Variants in GALM observed in about 807,000 individuals in gnomAD.
GALM encodes galactose mutarotase.
In GALM, 43 loss-of-function variants were observed where a neutral mutation model predicts 37.4. That is an observed-to-expected ratio of 1.15 (90% CI 0.90 to 1.48). The LOEUF is 1.48. GALM is among the 40% of genes most tolerant of loss of function. The pLI, the probability that GALM is intolerant of heterozygous loss-of-function variation, is 0.00. For synonymous variants in GALM, 199 were observed against 170.6 expected, an observed-to-expected ratio of 1.17 and a Z score of -1.30; for missense variants, 456 against 419.1, an observed-to-expected ratio of 1.09 and a Z score of -0.77.
intron 4 of GALM, among the ~76,000 whole-genome samples, chr2:38,718,319 C>G (rs1361654038): frequency 6.6e-6 from 1 of 151,124 alleles, no homozygotes; most frequent in Non-Finnish European, 1.5e-5. Flanking sequence ...CCTGCCTCAG[C>G]CTCCCAAGTA....
chr2:38,692,907 G>A (rs771447583), intron 4 of GALM, among the ~76,000 whole-genome samples: 1 of 152,188 alleles, frequency 6.6e-6, no homozygotes, highest in Non-Finnish European at 1.5e-5. Flanking sequence ...GACTAGCCCA[G>A]GGAAGTGCTG....
chr2:38,702,609 A>G (rs901259612), intron 4 of GALM, among the ~76,000 whole-genome samples: 1 of 152,086 alleles, frequency 6.6e-6, no homozygotes, highest in Non-Finnish European at 1.5e-5. Context: ...TTGTAATGAC[A>G]TCAGCCATTT....
intron 4 of GALM, among the ~76,000 whole-genome samples, chr2:38,707,482 A>C (rs1666054866): frequency 1.3e-5 from 2 of 152,210 alleles, no homozygotes; most frequent in African/African-American, 4.8e-5. Flanking sequence ...TGGAGTGACC[A>C]ACAGTGTCAA....
intron 4 of GALM, among the ~76,000 whole-genome samples, chr2:38,691,364 T>G (rs1024756024): frequency 6.6e-6 from 1 of 152,198 alleles, no homozygotes; most frequent in East Asian, 1.9e-4. Context: ...AGGCTTAACA[T>G]GCACTCTAAT....
chr2:38,712,110 A>G (rs1558592146), intron 4 of GALM, among the ~76,000 whole-genome samples: 1 of 152,208 alleles, frequency 6.6e-6, no homozygotes, highest in Non-Finnish European at 1.5e-5. Flanking sequence ...CCTGCTATTC[A>G]TAAATTTCTT....
intron 1 of GALM, among the ~76,000 whole-genome samples, chr2:38,675,059 C>T (rs1312893201): frequency 2.0e-5 from 3 of 152,142 alleles, no homozygotes; most frequent in Non-Finnish European, 4.4e-5. Flanking sequence ...CCTCTACTCC[C>T]AGCTACTCAG....
chr2:38,729,899 CT>C (rs536330509), intron 5 of GALM, among the ~76,000 whole-genome samples: 437 of 152,284 alleles, frequency 2.9e-3, no homozygotes, highest in African/African-American at 9.6e-3. Context: ...GCCATTACCC[CT>C]ATTCCCCCTG....
At chr2:38,669,873 A>G (rs1475358847) in intron 1 of GALM, among the ~76,000 whole-genome samples, 1 of 150,310 alleles carries the variant, frequency 6.7e-6, no homozygotes, top group African/African-American at 2.5e-5. Context: ...CTTCATCTCA[A>G]AAGAAGAAAA....
intron 5 of GALM, among the ~76,000 whole-genome samples, chr2:38,729,927 T>TCC (rs1666565540): frequency 6.6e-6 from 1 of 152,114 alleles, no homozygotes; most frequent in Non-Finnish European, 1.5e-5. Context: ...ACCCGCTCTC[T>TCC]CCCTCTCTGC....
intron 2 of GALM, among the ~76,000 whole-genome samples, chr2:38,680,662 C>T (rs1016832186): frequency 6.6e-6 from 1 of 151,350 alleles, no homozygotes; most frequent in Non-Finnish European, 1.5e-5. Context: ...TTTTTTAATA[C>T]TCTCAGCAGA....
chr2:38,719,659 C>G (rs896889487), intron 4 of GALM, among the ~76,000 whole-genome samples: 2 of 150,766 alleles, frequency 1.3e-5, no homozygotes, highest in Non-Finnish European at 2.9e-5. Flanking sequence ...CCTATAATCT[C>G]AGCTACTTGG....
chr2:38,723,258 A>C (rs1255940605), intron 4 of GALM, among the ~76,000 whole-genome samples: 1 of 152,148 alleles, frequency 6.6e-6, no homozygotes, highest in Non-Finnish European at 1.5e-5. Context: ...GCCGGGGGAA[A>C]AGAGCAGTTA....
At position 38,689,884 on chromosome 2, in the gene GALM, G is replaced by A. The variant is rs781212828; in HGVS notation, c.624G>A (p.Leu208=). ...ADTYLPVDET[L]IPTGEVAPVQ... ...CTTATTTGCCTGTGGATGAAACCCT[G>A]ATTCCTACAGGTTGGTGAATTTAAC... is the stretch of plus-strand genomic sequence containing the variant. The change falls in exon 4 of 7, where the codon CTG becomes CTA. Residue 208 remains leucine, a synonymous_variant. Transcript: ENST00000272252. The A allele has an allele frequency of 1.2e-6, 2 of 1,601,734 alleles. No individual in the cohort carries two copies. The highest frequency in any genetic ancestry group is 1.7e-6 in the Non-Finnish European group (2 of 1,169,674).
At chr2:38,698,865 C>T (rs191661346) in intron 4 of GALM, among the ~76,000 whole-genome samples, 1 of 152,322 alleles carries the variant, frequency 6.6e-6, no homozygotes, top group African/African-American at 2.4e-5. Context: ...CCCACCTCGG[C>T]CTCCTAAAGT....
chr2:38,718,043 C>T (rs911721694), intron 4 of GALM, among the ~76,000 whole-genome samples: 1 of 150,532 alleles, frequency 6.6e-6, no homozygotes, highest in Admixed American at 6.6e-5. Context: ...TGCTATGTTG[C>T]CCAGGCTGGT....
chr2:38,727,671 A>G (rs1666512575), intron 4 of GALM, among the ~76,000 whole-genome samples: 1 of 150,888 alleles, frequency 6.6e-6, no homozygotes, highest in Non-Finnish European at 1.5e-5. Context: ...GGTTGCAGTG[A>G]GCCTAGACTG....
chr2:38,693,749 AACAAGGAGTTAAAGTACCTT>A (rs1212032024), intron 4 of GALM, among the ~76,000 whole-genome samples: 1 of 152,214 alleles, frequency 6.6e-6, no homozygotes, highest in Non-Finnish European at 1.5e-5. Context: ...AAAACTATAG[AACAAGGAGTTAAAGTACCTT>A]ACAGAGGATG....
intron 3 of GALM, chr2:38,682,125 G>A: frequency 4.1e-6 from 1 of 241,612 alleles, no homozygotes; most frequent in Non-Finnish European, 9.1e-6. Context: ...AATCAACCCA[G>A]CAGAGGGATA....
intron 4 of GALM, among the ~76,000 whole-genome samples, chr2:38,692,545 T>G (rs576118285): frequency 6.6e-6 from 1 of 152,264 alleles, no homozygotes; most frequent in Non-Finnish European, 1.5e-5. Context: ...GCCACCATGC[T>G]GGTCCTCATC....
Sources: gnomAD v4.1 joint callset for allele counts (sites outside exome capture counted in the v4.1 genomes callset) on GRCh38, gnomAD v4.1.1 for gene constraint, MANE v1.5 for transcripts, NCBI Gene and HGNC (gene_info 2026-07-23, HGNC 2026-07-21) for gene names.